Variants in ORC3 observed in about 807,000 individuals in gnomAD.
ORC3 encodes the protein homolog of latheo, Drosophila.
Under a neutral mutation model 100.7 loss-of-function variants are expected in ORC3, and 78 were observed. That is an observed-to-expected ratio of 0.77 (90% CI 0.65 to 0.94). The LOEUF (loss-of-function observed/expected upper bound fraction) is 0.94, where lower values mean the gene tolerates loss of function less well. ORC3 is among the 40% of genes least tolerant of loss of function. The probability of loss-of-function intolerance (pLI) is 0.00; values close to 1 mark genes in which losing one functional copy is unlikely to be tolerated. For synonymous variants in ORC3, 295 were observed against 289.3 expected (o/e 1.02, Z -0.20); for missense variants, 789 against 823.9 (o/e 0.96, Z 0.52).
chr6:87,677,695 G>A, the ORC3 span: 2 of 1,240,580 alleles, frequency 1.6e-6, no homozygotes, highest in Non-Finnish European at 2.2e-6. Flanking sequence ...TTCCTGAACT[G>A]AAATTTTCTC....
At chr6:87,608,188 A>G (rs1007056018) in intron 6 of ORC3, among the ~76,000 whole-genome samples, 2 of 152,228 alleles carry the variant, frequency 1.3e-5, no homozygotes, top group Non-Finnish European at 2.9e-5. Context: ...TGCTTTGTCC[A>G]ATAGAACCAT....
chr6:87,609,108 A>G lies in ORC3; in HGVS notation c.592A>G (p.Lys198Glu), dbSNP rs1385920642. 2 of 1,602,610 alleles carry G rather than the reference A, an allele frequency of 1.2e-6. No homozygotes were observed. Among genetic ancestry groups the G allele is most frequent in the East Asian group, 4.5e-5 (2 of 44,606 alleles). The change falls in exon 7 of 20, where the codon AAA (lysine) becomes GAA (glutamate). Residue 198 changes from lysine (K) to glutamate (E), a missense_variant. By Grantham distance (56) the Lys-to-Glu change is moderately conservative. Transcript: ENST00000392844. Reference sequence around the variant, plus strand: ...AATGGCTTAAAAGAAGACGGACCCAAAAATGCTAAGCAAAAAAAGGACTAC... The same window carrying G: ...AATGGCTTAAAAGAAGACGGACCCAGAAATGCTAAGCAAAAAAAGGACTAC... The part of the protein sequence containing the change: ...YMTVTQKTDP[K>E]MLSKKRTTSS...
At chr6:87,673,701 C>T in the ORC3 span, among the ~76,000 whole-genome samples, 1 of 151,638 alleles carries the variant, frequency 6.6e-6, no homozygotes, top group African/African-American at 2.4e-5. Context: ...ATTAGCTGGG[C>T]GTGGTGGTGC....
chr6:87,661,227 G>A (rs1770152990), intron 16 of ORC3, among the ~76,000 whole-genome samples: 1 of 152,100 alleles, frequency 6.6e-6, no homozygotes, highest in Admixed American at 6.5e-5. Flanking sequence ...AAGAGTTTAT[G>A]GTCAGAAATT....
rs2307374 is a variant in ORC3, at chr6:87,612,114, A to G, written c.739A>G (p.Ile247Val). Residue 247 changes from isoleucine (I) to valine (V), a missense_variant, in exon 8 of 20, where the codon ATA (isoleucine) becomes GTA (valine). Physicochemically the swap from Ile to Val is conservative, Grantham distance 29. Around this residue, in one of 3 missense-constraint regions of ORC3, gnomAD observed 399 missense variants for 382.0 expected, o/e 1.04. Coordinates refer to ENST00000392844, the MANE Select transcript of ORC3 (RefSeq NM_012381.4). ...SSQHLHEFPL[I>V]LIFGIATSPI... is the part of the protein sequence containing the mutation. ...TCAACATCTCCATGAATTTCCACTA[A>G]TACTCATTTTTGGAATAGCCACATC... 6.4e-4 allele frequency: 1,030 copies of G among 1,611,872 alleles called. 9 individuals are homozygous for G. The African/African-American group carries it at 0.012, about 19-fold the overall frequency.
chr6:87,613,354 A>G (rs1004064708), intron 8 of ORC3, among the ~76,000 whole-genome samples: 1 of 152,184 alleles, frequency 6.6e-6, no homozygotes, highest in African/African-American at 2.4e-5. Context: ...CCATGATTCA[A>G]TTACCGCCCA....
intron 15 of ORC3, 133 bp from the exon 16 acceptor site, chr6:87,657,788 T>C: frequency 2.0e-6 from 1 of 498,246 alleles, no homozygotes; most frequent in Non-Finnish European, 3.6e-6. Flanking sequence ...ACAAAACCCA[T>C]TTTGATCTTT....
chr6:87,619,994 G>A (rs1229786635), intron 9 of ORC3, among the ~76,000 whole-genome samples: 2 of 152,166 alleles, frequency 1.3e-5, no homozygotes, highest in Non-Finnish European at 2.9e-5. Context: ...TCCATAGGAT[G>A]TACAGCAGGA....
intron 13 of ORC3, among the ~76,000 whole-genome samples, chr6:87,644,324 C>T (rs1396458003): frequency 6.6e-6 from 1 of 151,086 alleles, no homozygotes; most frequent in Non-Finnish European, 1.5e-5. Flanking sequence ...GATCTCCTGA[C>T]CTCGTGATCT....
chr6:87,674,302 CAAAAAAAA>C, the ORC3 span, among the ~76,000 whole-genome samples: 5 of 87,144 alleles, frequency 5.7e-5, no homozygotes, highest in African/African-American at 2.2e-4. Flanking sequence ...AACTCTATCT[CAAAAAAAA>C]AAAAAAAAAA....
rs149010963 is a variant in ORC3, at chr6:87,605,923, A to T, written c.329A>T (p.Asn110Ile). ...TTGATGTATTATCTCATAGGTGTGA[A>T]TGTCACAGATCATGATTTGACATTC... Reference protein sequence around the residue: ...IPTAALVLGVNVTDHDLTFGS... With the variant: ...IPTAALVLGVIVTDHDLTFGS... Residue 110 changes from asparagine to isoleucine, a missense_variant, in exon 5 of 20, where the codon AAT becomes ATT. Physicochemically the swap from Asn to Ile is moderately radical, Grantham distance 149. This residue lies in a region of ORC3 where 399 missense variants were observed against 382.0 expected (regional missense o/e 1.04). Coordinates refer to ENST00000392844, the MANE Select transcript of ORC3 (RefSeq NM_012381.4). The T allele has an allele frequency of 2.9e-5, 46 of 1,563,226 alleles. No individual in the cohort carries two copies. The African/African-American group carries it at 5.7e-4, about 19-fold the overall frequency.
chr6:87,658,138 T>G, intron 16 of ORC3, 120 bp downstream of exon 16: 1 of 581,426 alleles, frequency 1.7e-6, no homozygotes, highest in Non-Finnish European at 3.1e-6. Context: ...CTTTATGCTT[T>G]TCAGGTCTCT....
At chr6:87,626,380 TCTC>T (rs1370518834) in intron 11 of ORC3, among the ~76,000 whole-genome samples, 3 of 152,212 alleles carry the variant, frequency 2.0e-5, no homozygotes, top group Non-Finnish European at 2.9e-5. Context: ...GGTTTGTAAT[TCTC>T]CTTGAAGAGA....
chr6:87,612,202 T>A lies in ORC3; in HGVS notation c.827T>A (p.Phe276Tyr). The part of the protein sequence containing the change: ...AVSSLLCIEL[F>Y]QSLSCKEHLT... ...TCATCTCTATTGTGCATAGAACTGT[T>A]CCAATCTTTGTCTTGTAAGGAGCAC... The change falls in exon 8 of 20, where the codon TTC becomes TAC. Residue 276 changes from phenylalanine (F) to tyrosine (Y), a missense_variant. Phe to Tyr is a conservative substitution (Grantham distance 22). Around this residue, in one of 3 missense-constraint regions of ORC3, gnomAD observed 399 missense variants for 382.0 expected, o/e 1.04. Coordinates refer to ENST00000392844, the MANE Select transcript of ORC3 (RefSeq NM_012381.4). The A allele has an allele frequency of 6.2e-7, 1 of 1,612,572 alleles. No individual in the cohort carries two copies. Among genetic ancestry groups the A allele is most frequent in the Non-Finnish European group, 8.5e-7 (1 of 1,179,396 alleles).
chr6:87,594,668 T>C (rs1316437377), intron 2 of ORC3: 2 of 658,036 alleles, frequency 3.0e-6, no homozygotes. Flanking sequence ...TTAAAAGAGA[T>C]TGTCTTTTTG....
At chr6:87,598,566 C>T (rs1006846526) in intron 2 of ORC3, among the ~76,000 whole-genome samples, 1 of 151,806 alleles carries the variant, frequency 6.6e-6, no homozygotes, top group African/African-American at 2.4e-5. Flanking sequence ...ATTTAAGCTA[C>T]AACTTATTAG....
At chr6:87,655,924 A>T (rs1370816481) in intron 14 of ORC3, among the ~76,000 whole-genome samples, 1 of 152,218 alleles carries the variant, frequency 6.6e-6, no homozygotes, top group Non-Finnish European at 1.5e-5. Context: ...TTTGAACCAG[A>T]AATTAGCTGT....
At chr6:87,669,728 A>G (rs1413941676), downstream of ORC3, among the ~76,000 whole-genome samples, 1 of 152,208 alleles carries the variant, frequency 6.6e-6, no homozygotes, top group Non-Finnish European at 1.5e-5. Flanking sequence ...GCCTCCAACC[A>G]TGTGTTTCAT....
chr6:87,660,421 C>T (rs2128294134), intron 16 of ORC3, among the ~76,000 whole-genome samples: 1 of 152,338 alleles, frequency 6.6e-6, no homozygotes, highest in Admixed American at 6.5e-5. Flanking sequence ...GTCTCATTCT[C>T]CTGACATCTG....
Sources: allele counts gnomAD v4.1 joint callset (sites outside exome capture counted in the v4.1 genomes callset), GRCh38; gene constraint gnomAD v4.1.1; regional missense constraint gnomAD v4.1.1; transcripts MANE v1.5; gene names NCBI Gene and HGNC (gene_info 2026-07-23, HGNC 2026-07-21).